Variants in LMBR1 observed in about 807,000 individuals in gnomAD.
LMBR1 encodes limb development membrane protein 1.
A neutral mutation model predicts 73.9 loss-of-function variants in LMBR1; 52 were observed. The ratio of observed to expected loss-of-function variants is 0.70; its 90% CI spans 0.56 to 0.89. LMBR1 has a LOEUF of 0.89. Among genes scored for constraint, LMBR1 ranks in the 40% least tolerant of loss-of-function variants. The pLI, the probability that LMBR1 is intolerant of heterozygous loss-of-function variation, is 0.00. For missense variants in LMBR1, 539 were observed against 579.8 expected (o/e 0.93, Z 0.72); for synonymous variants, 215 against 209.4 (o/e 1.03, Z -0.23).
chr7:156,892,756 AAGGGG>A (rs1382380255), intron 1 of LMBR1, among the ~76,000 whole-genome samples, 167 bp downstream of exon 1: 15 of 83,634 alleles, frequency 1.8e-4, no homozygotes, highest in African/African-American at 4.8e-4. Flanking sequence ...GTGGGGAGGG[AAGGGG>A]AGGGGAGGGG....
At chr7:156,831,337 G>A (rs143526375) in intron 3 of LMBR1, among the ~76,000 whole-genome samples, 23 of 140,560 alleles carry the variant, frequency 1.6e-4, no homozygotes, top group African/African-American at 6.2e-4. Flanking sequence ...CAAAGTAGGT[G>A]AGAACTCTGT....
chr7:156,867,497 G>C (rs560526752), intron 1 of LMBR1, among the ~76,000 whole-genome samples: 1 of 152,226 alleles, frequency 6.6e-6, no homozygotes, highest in East Asian at 1.9e-4. Context: ...GCCAAAAAGT[G>C]GAAACAACCC....
At chr7:156,740,319 GAGGT>G (rs1211903526) in intron 9 of LMBR1, among the ~76,000 whole-genome samples, 1 of 152,178 alleles carries the variant, frequency 6.6e-6, no homozygotes, top group Non-Finnish European at 1.5e-5. Flanking sequence ...GAAAGAGAGA[GAGGT>G]AGGAAGTTTA....
At chr7:156,853,734 C>A (rs749826518) in intron 1 of LMBR1, among the ~76,000 whole-genome samples, 12 of 152,116 alleles carry the variant, frequency 7.9e-5, no homozygotes, top group Non-Finnish European at 1.8e-4. Flanking sequence ...CAGCTCACTG[C>A]AACCTCCACT....
At chr7:156,690,785 T>TA (rs34691949) in intron 15 of LMBR1, among the ~76,000 whole-genome samples, 31,448 of 152,182 alleles carry the variant, frequency 0.21, 3,506 homozygotes, top group Middle Eastern at 0.36. Context: ...AAAAATCTGA[T>TA]AGATTGACTA....
chr7:156,873,154 G>A (rs1452048738), intron 1 of LMBR1, among the ~76,000 whole-genome samples: 6 of 152,142 alleles, frequency 3.9e-5, no homozygotes, highest in East Asian at 1.9e-4. Flanking sequence ...AAGGTGGCGC[G>A]TCTGGAGTCT....
chr7:156,703,113 C>A (rs1043448563), intron 15 of LMBR1, among the ~76,000 whole-genome samples: 2 of 152,172 alleles, frequency 1.3e-5, no homozygotes, highest in Non-Finnish European at 2.9e-5. Context: ...TAAGGAGCAG[C>A]CAGGAAACCA....
intron 1 of LMBR1, among the ~76,000 whole-genome samples, chr7:156,888,820 T>C (rs1357618712): frequency 6.6e-6 from 1 of 152,004 alleles, no homozygotes; most frequent in Admixed American, 6.6e-5. Flanking sequence ...TTTGGGAGGC[T>C]GAGGCAGGTG....
intron 15 of LMBR1, among the ~76,000 whole-genome samples, chr7:156,700,999 G>A (rs1467279165): frequency 6.6e-6 from 1 of 152,118 alleles, no homozygotes; most frequent in African/African-American, 2.4e-5. Flanking sequence ...CTTGTGCAGG[G>A]AAACCCCCTT....
chr7:156,887,709 T>C (rs1269873798), intron 1 of LMBR1, among the ~76,000 whole-genome samples: 3 of 152,072 alleles, frequency 2.0e-5, no homozygotes, highest in Non-Finnish European at 4.4e-5. Flanking sequence ...CAAAGGACAC[T>C]AGCAATAGAG....
chr7:156,876,683 A>G (rs371461666), intron 1 of LMBR1, among the ~76,000 whole-genome samples: 2 of 152,204 alleles, frequency 1.3e-5, no homozygotes, highest in African/African-American at 4.8e-5. Context: ...AAAACCAGAC[A>G]AATACATGGA....
chr7:156,704,770 C>A (rs566084936), intron 15 of LMBR1, among the ~76,000 whole-genome samples: 199 of 141,944 alleles, frequency 1.4e-3, no homozygotes, highest in African/African-American at 4.4e-3. Flanking sequence ...AAAAAAAAAA[C>A]CAGAAATTCT....
At chr7:156,798,824 G>A (rs184741884) in intron 4 of LMBR1, among the ~76,000 whole-genome samples, 5 of 152,112 alleles carry the variant, frequency 3.3e-5, no homozygotes, top group South Asian at 2.1e-4. Context: ...AGTGTGTCAC[G>A]AATTATATTC....
intron 4 of LMBR1, among the ~76,000 whole-genome samples, chr7:156,799,930 C>G (rs536878554): frequency 6.6e-6 from 1 of 152,318 alleles, no homozygotes; most frequent in South Asian, 2.1e-4. Context: ...AAAGCCACAG[C>G]CTGAGCAAGG....
chr7:156,731,302 T>C (rs1049944921), intron 10 of LMBR1, among the ~76,000 whole-genome samples: 2 of 152,178 alleles, frequency 1.3e-5, no homozygotes, highest in African/African-American at 2.4e-5. Flanking sequence ...CTAGCATGTG[T>C]GTAACTGCAG....
intron 5 of LMBR1, among the ~76,000 whole-genome samples, chr7:156,784,395 C>A (rs1037899515): frequency 3.9e-5 from 6 of 152,138 alleles, no homozygotes; most frequent in African/African-American, 1.4e-4. Context: ...AGGACTAATT[C>A]TGGGAGCTGT....
intron 1 of LMBR1, among the ~76,000 whole-genome samples, chr7:156,888,711 A>C (rs1802373151): frequency 6.6e-6 from 1 of 152,206 alleles, no homozygotes; most frequent in Non-Finnish European, 1.5e-5. Flanking sequence ...TGAGGCCAGG[A>C]GTTCAAGAAC....
intron 5 of LMBR1, among the ~76,000 whole-genome samples, chr7:156,787,652 T>A (rs113903290): frequency 0.024 from 3,620 of 152,356 alleles, 140 homozygotes; most frequent in African/African-American, 0.083. Flanking sequence ...TATTTCTACA[T>A]GCTGAAATAA....
In LMBR1 at chr7:156,693,588, C is replaced by T. The variant is rs567245834; in HGVS notation, c.1226-5397G>A. Among the ~76,000 whole-genome samples, 4 of 152,200 alleles carry T rather than the reference C, an allele frequency of 2.6e-5. No individual in the cohort carries two copies. The East Asian group carries it at 7.7e-4, about 29-fold the overall frequency. ...GAAACATACAATCTGCCCAGACTAA[C>T]TTTAGAAGAAATAGAAAACCTGAGC... On this transcript the variant is annotated intron_variant, in intron 15 of 16. Coordinates refer to ENST00000353442, the MANE Select transcript of LMBR1 (RefSeq NM_022458.4).
Sources: gnomAD v4.1 joint callset for allele counts (sites outside exome capture counted in the v4.1 genomes callset) on GRCh38, gnomAD v4.1.1 for gene constraint, MANE v1.5 for transcripts, NCBI Gene and HGNC (gene_info 2026-07-23, HGNC 2026-07-21) for gene names.